Variants in RIMS2 observed in about 807,000 individuals in gnomAD.
The protein encoded by RIMS2 is regulating synaptic membrane exocytosis protein 2.
In RIMS2, 59 loss-of-function variants were observed where a neutral mutation model predicts 174.4. The ratio of observed to expected loss-of-function variants is 0.34; its 90% CI spans 0.27 to 0.42. The LOEUF (loss-of-function observed/expected upper bound fraction) is 0.42. RIMS2 is among the 10% of genes least tolerant of loss of function. The pLI is 1.00. For missense variants in RIMS2, 1,620 were observed against 1,666.3 expected (o/e 0.97, Z 0.48); for synonymous variants, 606 against 572.5 (o/e 1.06, Z -0.84).
At chr8:103,970,187 G>C (rs1034434024) in intron 15 of RIMS2, among the ~76,000 whole-genome samples, 1 of 152,096 alleles carries the variant, frequency 6.6e-6, no homozygotes, top group African/African-American at 2.4e-5. Context: ...CCTATGATTA[G>C]GTCTCAGTCT....
In RIMS2 at chr8:103,576,930, T is replaced by C. The variant is rs182184290; in HGVS notation, c.176+75868T>C. Reference sequence around the variant, plus strand: ...ACCTTATACAAAAATTAACTCAAGATGGATTAAAGACTTAAATGTTAGACC... The same window carrying C: ...ACCTTATACAAAAATTAACTCAAGACGGATTAAAGACTTAAATGTTAGACC... On this transcript the variant is annotated intron_variant, in intron 1 of 23. Transcript: ENST00000504942. 2.3e-4 allele frequency among the ~76,000 whole-genome samples: 35 copies of C among 152,260 alleles called. No homozygotes were observed. In the East Asian group the frequency reaches 6.4e-3, roughly 28 times the overall value.
intron 19 of RIMS2, among the ~76,000 whole-genome samples, chr8:104,205,019 T>G (rs1295382113): frequency 1.3e-5 from 2 of 152,168 alleles, no homozygotes; most frequent in Non-Finnish European, 2.9e-5. Context: ...GGTTTTGGAA[T>G]TTCTGAAGAC....
chr8:103,627,513 T>C (rs1429118624), intron 1 of RIMS2, among the ~76,000 whole-genome samples: 1 of 152,224 alleles, frequency 6.6e-6, no homozygotes, highest in African/African-American at 2.4e-5. Flanking sequence ...GTGATAAATG[T>C]CCATGAAATC....
intron 19 of RIMS2, among the ~76,000 whole-genome samples, chr8:104,145,529 A>C (rs758897689): frequency 6.6e-6 from 1 of 151,880 alleles, no homozygotes; most frequent in Admixed American, 6.6e-5. Flanking sequence ...AACTTTAAAA[A>C]TTTTGGTAGC....
chr8:104,013,484 A>G (rs201345102), exon 18 of RIMS2: 34 of 1,613,894 alleles, frequency 2.1e-5, no homozygotes, highest in Non-Finnish European at 2.5e-5. Flanking sequence ...ACAGATCCAG[A>G]TCAACAGAAC....
chr8:103,592,816 A>G (rs367782472), intron 1 of RIMS2, among the ~76,000 whole-genome samples: 137 of 151,522 alleles, frequency 9.0e-4, no homozygotes, highest in African/African-American at 3.2e-3. Context: ...AAGGTCTTTA[A>G]TGAAGCAGTA....
chr8:103,625,268 T>C (rs1252119036), intron 1 of RIMS2, among the ~76,000 whole-genome samples: 1 of 152,096 alleles, frequency 6.6e-6, no homozygotes, highest in African/African-American at 2.4e-5. Context: ...GCACCTACTA[T>C]ATCAGGCACA....
intron 4 of RIMS2, among the ~76,000 whole-genome samples, chr8:103,899,836 G>A (rs926113450): frequency 4.0e-5 from 6 of 151,572 alleles, no homozygotes; most frequent in Non-Finnish European, 8.8e-5. Flanking sequence ...TTTCTTCTAG[G>A]GTTTTTATGG....
chr8:103,980,082 C>T (rs1368557881), intron 16 of RIMS2, among the ~76,000 whole-genome samples: 2 of 152,104 alleles, frequency 1.3e-5, no homozygotes, highest in Non-Finnish European at 2.9e-5. Flanking sequence ...GGCACATGAC[C>T]TAAGGAGATA....
chr8:103,936,780 A>C, intron 13 of RIMS2, 58 bp downstream of exon 15: 1 of 1,266,368 alleles, frequency 7.9e-7, no homozygotes, highest in Non-Finnish European at 1.1e-6. Flanking sequence ...ACTTTTATTT[A>C]TATAACTGTC....
intron 1 of RIMS2, among the ~76,000 whole-genome samples, chr8:103,691,655 A>G (rs1424541271): frequency 1.3e-5 from 2 of 152,180 alleles, no homozygotes; most frequent in African/African-American, 2.4e-5. Flanking sequence ...CTTAAAAGAC[A>G]TATATTTCTG....
intron 7 of RIMS2, among the ~76,000 whole-genome samples, chr8:103,916,133 C>T (rs116058479): frequency 3.2e-4 from 49 of 152,134 alleles, no homozygotes; most frequent in African/African-American, 1.2e-3. Flanking sequence ...AAGGAGGCAA[C>T]TGATTTTGAT....
chr8:104,102,728 G>A (rs917443609), intron 19 of RIMS2, among the ~76,000 whole-genome samples: 2 of 152,126 alleles, frequency 1.3e-5, no homozygotes, highest in South Asian at 2.1e-4. Context: ...CAAGGGAAAT[G>A]CCCTTTATAA....
chr8:104,046,766 A>G (rs1362656799), intron 19 of RIMS2, among the ~76,000 whole-genome samples: 1 of 152,036 alleles, frequency 6.6e-6, no homozygotes, highest in Non-Finnish European at 1.5e-5. Flanking sequence ...CAGTCATGAA[A>G]ACCTTATATA....
chr8:104,252,540 A>G (rs1564022113), downstream of RIMS2: 1 of 152,240 alleles, frequency 6.6e-6, no homozygotes, highest in African/African-American at 2.4e-5. Context: ...AAAAAAAAAA[A>G]AGAATAAAAA....
At chr8:103,902,550 C>A (rs1034854614) in intron 4 of RIMS2, among the ~76,000 whole-genome samples, 2 of 152,060 alleles carry the variant, frequency 1.3e-5, no homozygotes, top group Admixed American at 6.6e-5. Flanking sequence ...ACATAATATA[C>A]CCTATATATG....
intron 19 of RIMS2, among the ~76,000 whole-genome samples, chr8:104,146,704 C>A (rs1399282263): frequency 2.0e-5 from 3 of 151,920 alleles, no homozygotes; most frequent in Non-Finnish European, 4.4e-5. Context: ...ATAAAAATTT[C>A]TTTTTCTTTT....
chr8:103,769,491 T>C (rs1171741461), intron 3 of RIMS2, among the ~76,000 whole-genome samples: 1 of 151,996 alleles, frequency 6.6e-6, no homozygotes, highest in Non-Finnish European at 1.5e-5. Context: ...GCCTGGCTAA[T>C]TTTTTTGTAT....
intron 19 of RIMS2, among the ~76,000 whole-genome samples, chr8:104,053,666 T>C (rs563367452): frequency 1.1e-4 from 17 of 152,198 alleles, no homozygotes; most frequent in Non-Finnish European, 2.2e-4. Context: ...CTGTATTCGG[T>C]ACTATTTTTA....
Sources: gnomAD v4.1 joint callset for allele counts (sites outside exome capture counted in the v4.1 genomes callset) on GRCh38, gnomAD v4.1.1 for gene constraint, MANE v1.5 for transcripts, NCBI Gene and HGNC (gene_info 2026-07-23, HGNC 2026-07-21) for gene names.